Variants in TXNDC16 observed in about 807,000 individuals in gnomAD.
TXNDC16 encodes the protein thioredoxin domain containing 16.
TXNDC16 carries 74 observed loss-of-function variants against 85.6 expected under a neutral mutation model. That is an observed-to-expected ratio of 0.86 (90% CI 0.72 to 1.05). The LOEUF is 1.05. Among genes scored for constraint, TXNDC16 ranks in the 50% least tolerant of loss-of-function variants. The pLI, the probability that TXNDC16 is intolerant of heterozygous loss-of-function variation, is 0.00. For synonymous variants in TXNDC16, 335 were observed against 326.5 expected (o/e 1.03, Z -0.28); for missense variants, 959 against 947.0 (o/e 1.01, Z -0.17).
chr14:52,457,426 C>A (rs1472044537), intron 16 of TXNDC16, among the ~76,000 whole-genome samples: 1 of 152,126 alleles, frequency 6.6e-6, no homozygotes, highest in Non-Finnish European at 1.5e-5. Context: ...AAATGTAATT[C>A]ATAAGCTTTA....
intron 1 of TXNDC16, among the ~76,000 whole-genome samples, chr14:52,545,758 G>C (rs959059975): frequency 2.6e-5 from 4 of 152,166 alleles, no homozygotes; most frequent in Non-Finnish European, 5.9e-5. Context: ...AGGGAGTAGG[G>C]GAAGGATATG....
intron 6 of TXNDC16, among the ~76,000 whole-genome samples, chr14:52,526,653 G>A (rs917271923): frequency 3.9e-5 from 6 of 152,200 alleles, no homozygotes; most frequent in Non-Finnish European, 8.8e-5. Context: ...CCTGTTTGCT[G>A]GCATGCAACT....
At chr14:52,455,539 C>A in intron 17 of TXNDC16, 77 bp from the exon 18 acceptor site, 1 of 1,561,874 alleles carries the variant, frequency 6.4e-7, no homozygotes, top group Non-Finnish European at 8.7e-7. Flanking sequence ...GCTAGGAGGT[C>A]ACAGTGTGAG....
intron 9 of TXNDC16, among the ~76,000 whole-genome samples, chr14:52,499,744 T>C (rs2036614804): frequency 6.6e-6 from 1 of 152,038 alleles, no homozygotes. Flanking sequence ...TCCCTCAGTA[T>C]CCATAAGGAA....
chr14:52,460,379 C>T (rs1158888763), intron 16 of TXNDC16, among the ~76,000 whole-genome samples: 1 of 152,106 alleles, frequency 6.6e-6, no homozygotes, highest in East Asian at 1.9e-4. Context: ...CAATGCTATT[C>T]CTATCAAACT....
intron 16 of TXNDC16, among the ~76,000 whole-genome samples, chr14:52,461,750 C>G (rs1335322555): frequency 6.6e-6 from 1 of 152,218 alleles, no homozygotes; most frequent in African/African-American, 2.4e-5. Context: ...AGCAGGTGGC[C>G]TAAGCATTGA....
At chr14:52,440,501 T>C (rs1371481297) in intron 19 of TXNDC16, 63 bp downstream of exon 19, 2 of 1,353,766 alleles carry the variant, frequency 1.5e-6, no homozygotes, top group Non-Finnish European at 1.9e-6. Flanking sequence ...CGTTTCCTAA[T>C]GAAAATGTAA....
chr14:52,458,095 C>G (rs1462656481), intron 16 of TXNDC16, among the ~76,000 whole-genome samples: 1 of 152,186 alleles, frequency 6.6e-6, no homozygotes, highest in Non-Finnish European at 1.5e-5. Flanking sequence ...GTCAGCACTA[C>G]ATTCATGATG....
intron 18 of TXNDC16, among the ~76,000 whole-genome samples, chr14:52,451,307 T>C (rs1594688490): frequency 6.7e-6 from 1 of 150,344 alleles, no homozygotes; most frequent in East Asian, 1.9e-4. Context: ...CAAACTATCC[T>C]GGAAAATAGA....
intron 9 of TXNDC16, among the ~76,000 whole-genome samples, chr14:52,510,270 T>G (rs2036924861): frequency 6.6e-6 from 1 of 152,230 alleles, no homozygotes; most frequent in South Asian, 2.1e-4. Context: ...GAAACAAAGT[T>G]TTAAAATATA....
At position 52,530,393 on chromosome 14, in the gene TXNDC16, TAATATAATATATA is replaced by T. The variant is rs1566582428; in HGVS notation, c.392+6313_392+6325del. Among the ~76,000 whole-genome samples the T allele has an allele frequency of 2.0e-3, 43 of 21,444 alleles. 1 individual carries two copies. Among genetic ancestry groups the T allele is most frequent in the African/African-American group, 0.011 (37 of 3,278 alleles). 14.1% of individuals were successfully genotyped at this position (21,444 alleles called of 152,430 possible). On this transcript the variant is annotated intron_variant, in intron 6 of 20. Transcript: ENST00000281741. ...TTATATAATATTATATATAATATTA[TAATATAATATATA>T]ATTATTATATAATATTATATATAAT...
intron 7 of TXNDC16, among the ~76,000 whole-genome samples, chr14:52,516,001 C>A (rs184598052): frequency 6.6e-6 from 1 of 152,010 alleles, no homozygotes; most frequent in Admixed American, 6.6e-5. Flanking sequence ...TTTTTCTTTT[C>A]TAATTTCTTC....
Position 52,505,529 on chromosome 14 carries a change from C to G in TXNDC16, c.756+5711G>C, listed in dbSNP as rs138208397. ...TCTTTGAAACCAATGAGAACAAAGA[C>G]ATGACATACCAGAATCTCTGGGACA... On this transcript the variant is annotated intron_variant, in intron 9 of 20. Transcript: ENST00000281741. Among the ~76,000 whole-genome samples, 500 of 152,210 alleles carry G rather than the reference C, an allele frequency of 3.3e-3. 2 individuals carry two copies. The highest frequency in any genetic ancestry group is 4.9e-3 in the Non-Finnish European group (333 of 68,002).
chr14:52,537,070 T>TCACACACAAACA (rs1555343366), intron 5 of TXNDC16, among the ~76,000 whole-genome samples: 2 of 147,242 alleles, frequency 1.4e-5, no homozygotes, highest in African/African-American at 5.0e-5. Flanking sequence ...CAACTCACAA[T>TCACACACAAACA]CACACACACA....
Position 52,543,524 on chromosome 14 carries a change from T to A in TXNDC16, c.34A>T (p.Ile12Phe), listed in dbSNP as rs1164385635. Residue 12 changes from isoleucine to phenylalanine, a missense_variant, in exon 3 of 21, where the codon ATC becomes TTC. Transcript: ENST00000281741. ...FSGFNVFRVG[I>F]SFVIMCIFYM... ...AAAATGCACATTATGACAAAAGAGA[T>A]CCCAACTCTAAAGACATTGAAGCCG... 1.2e-6 allele frequency: 2 copies of A among 1,613,396 alleles called. No individual in the cohort carries two copies. The highest frequency in any genetic ancestry group is 1.7e-6 in the Non-Finnish European group (2 of 1,179,676).
At chr14:52,497,580 A>G (rs2036560395) in intron 9 of TXNDC16, among the ~76,000 whole-genome samples, 1 of 152,240 alleles carries the variant, frequency 6.6e-6, no homozygotes, top group South Asian at 2.1e-4. Context: ...AAAATCCTCA[A>G]CAAAAACTAC....
intron 6 of TXNDC16, among the ~76,000 whole-genome samples, chr14:52,536,170 C>A (rs72684247): frequency 0.1 from 15,510 of 152,174 alleles, 1,027 homozygotes; most frequent in South Asian, 0.3. Context: ...GCAGAGCCCT[C>A]AAGAATATTA....
intron 6 of TXNDC16, among the ~76,000 whole-genome samples, chr14:52,531,780 A>G (rs926584399): frequency 1.3e-5 from 2 of 152,214 alleles, no homozygotes; most frequent in African/African-American, 4.8e-5. Flanking sequence ...CAAAGAGTGA[A>G]ACTTCAATGT....
At chr14:52,517,532 A>G (rs561538398) in intron 7 of TXNDC16, among the ~76,000 whole-genome samples, 2 of 152,242 alleles carry the variant, frequency 1.3e-5, no homozygotes, top group African/African-American at 4.8e-5. Context: ...AAACGTTTAT[A>G]AACTCTTAGC....
Sources: allele counts gnomAD v4.1 joint callset (sites outside exome capture counted in the v4.1 genomes callset), GRCh38; gene constraint gnomAD v4.1.1; transcripts MANE v1.5; gene names NCBI Gene and HGNC (gene_info 2026-07-23, HGNC 2026-07-21).